The following PDE11A variants were observed in gnomAD, a reference collection of about 807,000 sequenced individuals.
PDE11A encodes the protein dual 3',5'-cyclic-AMP and -GMP phosphodiesterase 11A.
In PDE11A, 100 loss-of-function variants were observed where a neutral mutation model predicts 100.5. That is an observed-to-expected ratio of 1.00 (90% confidence interval 0.85 to 1.18). The LOEUF (loss-of-function observed/expected upper bound fraction) is 1.18, where lower values mean the gene tolerates loss of function less well. PDE11A is among the 50% of genes most tolerant of loss of function. PDE11A has a pLI of 0.00. For missense variants in PDE11A, 1,141 were observed against 1,152.6 expected (o/e 0.99, Z 0.15); for synonymous variants, 381 against 420.8 (o/e 0.91, Z 1.16).
chr2:177,771,126 G>A (rs1436398790), intron 9 of PDE11A, among the ~76,000 whole-genome samples: 1 of 152,184 alleles, frequency 6.6e-6, no homozygotes, highest in Non-Finnish European at 1.5e-5. Context: ...TTCGCACCCA[G>A]CCTACATTCT....
At chr2:177,694,387 A>T (rs1441585528) in intron 15 of PDE11A, among the ~76,000 whole-genome samples, 1 of 152,206 alleles carries the variant, frequency 6.6e-6, no homozygotes, top group Non-Finnish European at 1.5e-5. Flanking sequence ...CATTAAAAGG[A>T]TACAGACTTT....
intron 19 of PDE11A, among the ~76,000 whole-genome samples, chr2:177,633,901 T>C (rs1452976713): frequency 6.6e-6 from 1 of 152,218 alleles, no homozygotes; most frequent in Non-Finnish European, 1.5e-5. Context: ...TAAATTAGAA[T>C]TTTTTTCTGC....
intron 5 of PDE11A, among the ~76,000 whole-genome samples, chr2:177,842,743 G>A (rs2083511302): frequency 6.6e-6 from 1 of 152,222 alleles, no homozygotes; most frequent in African/African-American, 2.4e-5. Context: ...CACAGGCTCT[G>A]TGGCCAGATA....
intron 7 of PDE11A, among the ~76,000 whole-genome samples, chr2:177,818,283 T>C (rs2083076320): frequency 6.9e-6 from 1 of 144,120 alleles, no homozygotes; most frequent in Non-Finnish European, 1.5e-5. Flanking sequence ...TATATATATA[T>C]TTCAACTGAA....
chr2:178,016,057 C>CG (rs569202446), intron 1 of PDE11A, among the ~76,000 whole-genome samples: 136 of 150,758 alleles, frequency 9.0e-4, no homozygotes, highest in African/African-American at 3.1e-3. Context: ...CTCCACCTCC[C>CG]GGGTTCAAGC....
At chr2:177,827,845 C>A (rs2083249744) in intron 6 of PDE11A, among the ~76,000 whole-genome samples, 1 of 152,188 alleles carries the variant, frequency 6.6e-6, no homozygotes, top group African/African-American at 2.4e-5. Flanking sequence ...AGGCGGTCAT[C>A]TGCAAATGCA....
intron 2 of PDE11A, among the ~76,000 whole-genome samples, chr2:177,985,360 C>T (rs1251488217): frequency 6.6e-6 from 1 of 152,028 alleles, no homozygotes; most frequent in African/African-American, 2.4e-5. Flanking sequence ...TATTACTATA[C>T]CTCATTGAAG....
chr2:177,832,193 T>C (rs1279281072), intron 6 of PDE11A, among the ~76,000 whole-genome samples: 1 of 152,208 alleles, frequency 6.6e-6, no homozygotes, highest in East Asian at 1.9e-4. Flanking sequence ...GAGTGTTAAC[T>C]TGATTGGATT....
chr2:177,835,298 G>A (rs1056788838), intron 6 of PDE11A, among the ~76,000 whole-genome samples: 2 of 152,152 alleles, frequency 1.3e-5, no homozygotes, highest in African/African-American at 4.8e-5. Flanking sequence ...TCTTTAGTCT[G>A]TACCTCTCTC....
intron 5 of PDE11A, among the ~76,000 whole-genome samples, chr2:177,871,697 A>G (rs2084139467): frequency 6.6e-6 from 1 of 151,848 alleles, no homozygotes; most frequent in African/African-American, 2.4e-5. Context: ...TGTCTCTACA[A>G]AATAATTTTA....
At position 177,943,482 on chromosome 2, in the gene PDE11A, G is replaced by C. The variant is rs541246606; in HGVS notation, c.1072-38295C>G. Among the ~76,000 whole-genome samples the C allele has an allele frequency of 4.5e-4, 69 of 152,130 alleles. 1 individual carries two copies. Among genetic ancestry groups the C allele is most frequent in the Non-Finnish European group, 8.7e-4 (59 of 68,032 alleles). ...AATTTTCATTCCTTTAATGATAAAT[G>C]ATGTTGAGCATCTTTCCACATATGC... On this transcript the variant is annotated intron_variant, in intron 2 of 19. Transcript: ENST00000286063.
At chr2:178,033,189 T>C (rs2086570354) in intron 1 of PDE11A, among the ~76,000 whole-genome samples, 1 of 152,096 alleles carries the variant, frequency 6.6e-6, no homozygotes, top group South Asian at 2.1e-4. Context: ...AATAACCAGT[T>C]TAGAGAGGAA....
intron 2 of PDE11A, among the ~76,000 whole-genome samples, chr2:177,965,964 A>G (rs1189085871): frequency 6.6e-6 from 1 of 152,186 alleles, no homozygotes; most frequent in East Asian, 1.9e-4. Flanking sequence ...AGCCATTTTA[A>G]TGATTGATTC....
intron 19 of PDE11A, among the ~76,000 whole-genome samples, chr2:177,634,390 C>CTTTT (rs776055378): frequency 8.9e-5 from 13 of 146,418 alleles, no homozygotes; most frequent in African/African-American, 2.5e-4. Flanking sequence ...TTCTCTCTCT[C>CTTTT]TTTTTTTTTT....
At chr2:177,903,179 G>A (rs1164333449) in intron 3 of PDE11A, among the ~76,000 whole-genome samples, 2 of 151,974 alleles carry the variant, frequency 1.3e-5, no homozygotes, top group Admixed American at 1.3e-4. Context: ...CCTGCCCCAG[G>A]TCCTTTGTGT....
At chr2:177,978,904 T>C (rs34147365) in intron 2 of PDE11A, among the ~76,000 whole-genome samples, 13,541 of 84,470 alleles carry the variant, frequency 0.16, 798 homozygotes, top group Non-Finnish European at 0.2. Flanking sequence ...GGAAGGGGAA[T>C]ATCACACTCT....
intron 2 of PDE11A, chr2:177,997,524 C>T (rs893918232): frequency 2.7e-5 from 22 of 814,590 alleles, no homozygotes; most frequent in Non-Finnish European, 4.2e-5. Context: ...GCTTTCAATG[C>T]AACAACTTTA....
intron 4 of PDE11A, among the ~76,000 whole-genome samples, chr2:177,879,389 T>A (rs976372376): frequency 6.6e-6 from 1 of 152,260 alleles, no homozygotes; most frequent in African/African-American, 2.4e-5. Context: ...TGCTTTAGAT[T>A]TCTGCAAGAG....
chr2:177,886,576 T>G (rs994430327), intron 4 of PDE11A, among the ~76,000 whole-genome samples: 1 of 152,192 alleles, frequency 6.6e-6, no homozygotes, highest in Admixed American at 6.5e-5. Context: ...CAATAAGCAG[T>G]TTTTTTAAGT....
Sources: gnomAD v4.1 joint callset for allele counts (sites outside exome capture counted in the v4.1 genomes callset) on GRCh38, gnomAD v4.1.1 for gene constraint, MANE v1.5 for transcripts, NCBI Gene and HGNC (gene_info 2026-07-23, HGNC 2026-07-21) for gene names.